Variants in TWSG1 observed in about 807,000 individuals in gnomAD.
TWSG1 encodes twisted gastrulation BMP signaling modulator 1, also known as twisted gastrulation protein homolog 1.
TWSG1 carries 15 observed loss-of-function variants against 23.0 expected under a neutral mutation model. The observed-to-expected ratio is 0.65, with a 90% CI of 0.44 to 1.00. The LOEUF (loss-of-function observed/expected upper bound fraction) is 1.00. TWSG1 is among the 50% of genes least tolerant of loss of function. The pLI is 0.00. For synonymous variants in TWSG1, 86 were observed against 92.8 expected, an observed-to-expected ratio of 0.93 and a Z score of 0.42; for missense variants, 242 against 278.7, an observed-to-expected ratio of 0.87 and a Z score of 0.94.
At chr18:9,389,993 G>A (rs1029966645) in intron 3 of TWSG1, among the ~76,000 whole-genome samples, 12 of 152,168 alleles carry the variant, frequency 7.9e-5, no homozygotes, top group African/African-American at 2.4e-4. Flanking sequence ...TAAAAAATAC[G>A]TACCTTAAAT....
chr18:9,390,252 T>C (rs7229708), intron 3 of TWSG1, among the ~76,000 whole-genome samples: 150,110 of 152,108 alleles, frequency 0.99, 74,112 homozygotes, highest in Middle Eastern at 1. Flanking sequence ...CCTCCGCCCC[T>C]CCAGGTTCAC....
chr18:9,347,548 T>C lies in TWSG1; in HGVS notation c.123+10196T>C, dbSNP rs193093429. ...ATTTTGTAGTTTTCTGTGTATTACA[T>C]TTCTTTTGTTAAATTTATTTATCAG... On this transcript the variant is annotated intron_variant, in intron 2 of 4. Coordinates refer to ENST00000262120, the MANE Select transcript of TWSG1 (RefSeq NM_020648.6). Among the ~76,000 whole-genome samples, 149 of 152,324 alleles carry C rather than the reference T, an allele frequency of 9.8e-4. 1 individual carries two copies. The highest frequency in any genetic ancestry group is 3.3e-3 in the African/African-American group (139 of 41,580).
chr18:9,386,491 A>T (rs2040685439), intron 3 of TWSG1, among the ~76,000 whole-genome samples: 1 of 151,520 alleles, frequency 6.6e-6, no homozygotes, highest in Non-Finnish European at 1.5e-5. Flanking sequence ...ATAATAAGAG[A>T]GTCTGAAAAT....
intron 3 of TWSG1, among the ~76,000 whole-genome samples, chr18:9,390,820 T>G (rs2040708932): frequency 6.6e-6 from 1 of 152,180 alleles, no homozygotes; most frequent in Non-Finnish European, 1.5e-5. Flanking sequence ...GAGACAAGCC[T>G]GGACATCATA....
At chr18:9,367,555 T>C (rs185700168) in intron 3 of TWSG1, among the ~76,000 whole-genome samples, 80 of 152,240 alleles carry the variant, frequency 5.3e-4, no homozygotes, top group Middle Eastern at 3.4e-3. Context: ...CCGCCGCCTC[T>C]TAGGAACCGG....
chr18:9,344,986 T>G (rs369489292), intron 2 of TWSG1, among the ~76,000 whole-genome samples: 82 of 152,300 alleles, frequency 5.4e-4, no homozygotes, highest in African/African-American at 1.9e-3. Context: ...CTTGAACTCC[T>G]GGTCTCAAGT....
chr18:9,363,852 TC>T (rs2040564460), intron 3 of TWSG1, among the ~76,000 whole-genome samples: 2 of 152,174 alleles, frequency 1.3e-5, no homozygotes, highest in Non-Finnish European at 2.9e-5. Context: ...GGTCTCGAAC[TC>T]CTGTCCTCAA....
chr18:9,374,389 A>G (rs2040619381), intron 3 of TWSG1, among the ~76,000 whole-genome samples: 1 of 152,230 alleles, frequency 6.6e-6, no homozygotes, highest in East Asian at 1.9e-4. Context: ...CAATAAAAGA[A>G]TGCTATGAAA....
At chr18:9,341,150 C>T (rs1289395636) in intron 2 of TWSG1, among the ~76,000 whole-genome samples, 1 of 152,180 alleles carries the variant, frequency 6.6e-6, no homozygotes, top group African/African-American at 2.4e-5. Flanking sequence ...ACATAGGCCC[C>T]ACCTCTGTTG....
intron 2 of TWSG1, among the ~76,000 whole-genome samples, chr18:9,354,496 A>T (rs2040515977): frequency 6.6e-6 from 1 of 152,212 alleles, no homozygotes; most frequent in African/African-American, 2.4e-5. Context: ...CAAAGAGAAG[A>T]TTCTAAATTT....
At chr18:9,343,708 C>T (rs963867574) in intron 2 of TWSG1, among the ~76,000 whole-genome samples, 4 of 152,164 alleles carry the variant, frequency 2.6e-5, no homozygotes, top group Non-Finnish European at 5.9e-5. Flanking sequence ...ATAATGTTTT[C>T]ATGGTTCCTG....
At chr18:9,338,945 TC>T (rs1207158866) in intron 2 of TWSG1, among the ~76,000 whole-genome samples, 6 of 152,210 alleles carry the variant, frequency 3.9e-5, no homozygotes, top group African/African-American at 1.4e-4. Context: ...TGCCTCGTAA[TC>T]CCAGCACTTT....
intron 4 of TWSG1, among the ~76,000 whole-genome samples, chr18:9,397,960 C>T (rs1469787815): frequency 1.4e-5 from 2 of 139,816 alleles, no homozygotes; most frequent in African/African-American, 5.5e-5. Context: ...GCCGAGATCG[C>T]GCCATTGCAC....
At chr18:9,358,027 GAAAT>G (rs1168279433) in intron 2 of TWSG1, among the ~76,000 whole-genome samples, 1 of 152,024 alleles carries the variant, frequency 6.6e-6, no homozygotes, top group Non-Finnish European at 1.5e-5. Context: ...TTTTTGGTTG[GAAAT>G]AAATAAAGCC....
At chr18:9,354,549 A>C (rs1453167623) in intron 2 of TWSG1, among the ~76,000 whole-genome samples, 1 of 152,270 alleles carries the variant, frequency 6.6e-6, no homozygotes, top group Non-Finnish European at 1.5e-5. Flanking sequence ...AGACTTTGAA[A>C]TAATAGTAAA....
intron 2 of TWSG1, among the ~76,000 whole-genome samples, chr18:9,349,415 T>G (rs964726658): frequency 3.9e-5 from 6 of 152,194 alleles, no homozygotes. Flanking sequence ...ATCATTTTAG[T>G]ACTTTGTTGT....
At chr18:9,386,453 C>CA (rs1168896311) in intron 3 of TWSG1, among the ~76,000 whole-genome samples, 897 of 66,926 alleles carry the variant, frequency 0.013, 10 homozygotes, top group Admixed American at 0.068. Context: ...GACTCCATCT[C>CA]AAAAAAAAAA....
At chr18:9,387,446 T>C (rs2040689770) in intron 3 of TWSG1, among the ~76,000 whole-genome samples, 1 of 152,170 alleles carries the variant, frequency 6.6e-6, no homozygotes, top group Non-Finnish European at 1.5e-5. Context: ...ACTTTATCCT[T>C]TTTTATTTCT....
chr18:9,377,494 C>A (rs777813435), intron 3 of TWSG1, among the ~76,000 whole-genome samples: 1 of 152,098 alleles, frequency 6.6e-6, no homozygotes, highest in African/African-American at 2.4e-5. Flanking sequence ...GCTGGGATTA[C>A]GGGCATGAGC....
Sources: allele counts gnomAD v4.1 joint callset (sites outside exome capture counted in the v4.1 genomes callset), GRCh38; gene constraint gnomAD v4.1.1; transcripts MANE v1.5; gene names NCBI Gene and HGNC (gene_info 2026-07-23, HGNC 2026-07-21).